ARHGEF28: variants seen among roughly 807,000 people sequenced by gnomAD.
ARHGEF28 encodes 190 kDa guanine nucleotide exchange factor.
A neutral mutation model predicts 206.6 loss-of-function variants in ARHGEF28; 152 were observed. That is an observed-to-expected ratio of 0.74 (90% CI 0.64 to 0.84). The LOEUF (loss-of-function observed/expected upper bound fraction) is 0.84, where lower values mean the gene tolerates loss of function less well. Ranked by LOEUF, ARHGEF28 falls within the 40% of genes least tolerant of loss-of-function variation. The pLI is 0.00. For synonymous variants in ARHGEF28, 763 were observed against 776.4 expected, an observed-to-expected ratio of 0.98 and a Z score of 0.29; for missense variants, 2,028 against 2,073.2, an observed-to-expected ratio of 0.98 and a Z score of 0.42.
intron 33 of ARHGEF28, among the ~76,000 whole-genome samples, chr5:73,905,965 T>C (rs1762526080): frequency 6.6e-6 from 1 of 152,244 alleles, no homozygotes; most frequent in Non-Finnish European, 1.5e-5. Context: ...ACTGGTTTAT[T>C]ATTCATTCAT....
At chr5:73,920,545 G>GTTTTTTTTTTTT (rs756699052) in intron 35 of ARHGEF28, among the ~76,000 whole-genome samples, 1 of 110,540 alleles carries the variant, frequency 9.0e-6, no homozygotes, top group Non-Finnish European at 1.8e-5. Flanking sequence ...CGTCATCTAG[G>GTTTTTTTTTTTT]TTTTTTTTTT....
chr5:73,868,942 C>T (rs1385593037), intron 20 of ARHGEF28, among the ~76,000 whole-genome samples: 3 of 152,160 alleles, frequency 2.0e-5, no homozygotes, highest in Non-Finnish European at 2.9e-5. Flanking sequence ...CCACTGTGCC[C>T]AGCCATTAAA....
At chr5:73,886,206 A>G (rs1420297656) in intron 25 of ARHGEF28, 102 bp downstream of exon 25, 2 of 1,403,820 alleles carry the variant, frequency 1.4e-6, no homozygotes, top group East Asian at 2.3e-5. Flanking sequence ...GCAGGCACAC[A>G]TGCGCAAACC....
intron 16 of ARHGEF28, among the ~76,000 whole-genome samples, chr5:73,860,459 TA>T (rs1759327215): frequency 6.6e-6 from 1 of 152,288 alleles, no homozygotes; most frequent in South Asian, 2.1e-4. Flanking sequence ...CCAGTGTGTC[TA>T]AAACCGACCT....
intron 9 of ARHGEF28, among the ~76,000 whole-genome samples, chr5:73,798,636 G>A (rs1023241494): frequency 6.6e-6 from 1 of 152,002 alleles, no homozygotes; most frequent in Non-Finnish European, 1.5e-5. Context: ...GTGCAGAGTG[G>A]GACTCCTTCA....
intron 22 of ARHGEF28, among the ~76,000 whole-genome samples, chr5:73,874,032 T>C (rs1477190109): frequency 6.6e-6 from 1 of 152,196 alleles, no homozygotes; most frequent in Non-Finnish European, 1.5e-5. Flanking sequence ...CTCACCAGCA[T>C]CTGATATTGA....
At chr5:73,815,419 T>C (rs1756141472) in intron 9 of ARHGEF28, among the ~76,000 whole-genome samples, 1 of 152,264 alleles carries the variant, frequency 6.6e-6, no homozygotes, top group East Asian at 1.9e-4. Context: ...TAAAAAACCA[T>C]GTAAATTGTT....
rs147467398 is a variant in ARHGEF28 at position 73,823,110 on chromosome 5, G to A, written c.1025-9228G>A. 9.2e-3 allele frequency among the ~76,000 whole-genome samples: 1,404 copies of A among 152,276 alleles called. 8 individuals are homozygous for A. The highest frequency in any genetic ancestry group is 0.014 in the Non-Finnish European group (930 of 68,028). ...TGCTCTCTGTCAGGACCGTGTTTGC[G>A]TTCTGGTTCAACCACTTAATAACCT... On this transcript the variant is annotated intron_variant, in intron 9 of 35. Transcript: ENST00000513042.
At chr5:73,795,935 C>G (rs1754778087) in intron 9 of ARHGEF28, among the ~76,000 whole-genome samples, 2 of 152,150 alleles carry the variant, frequency 1.3e-5, no homozygotes, top group South Asian at 4.1e-4. Context: ...TCAGAGGAAC[C>G]AGGTGTTCCT....
Position 73,684,836 on chromosome 5 carries a change from T to G in ARHGEF28, c.-11-5T>G. The G allele has an allele frequency of 6.2e-7, 1 of 1,607,312 alleles. No individual in the cohort carries two copies. The highest frequency in any genetic ancestry group is 8.5e-7 in the Non-Finnish European group (1 of 1,176,562). ...AACTTCTCTTGTTTATTATTTTCATTGCAGATGCGAAAGCCATGGAGTTGA... is the reference window on the plus strand; with the variant it reads ...AACTTCTCTTGTTTATTATTTTCATGGCAGATGCGAAAGCCATGGAGTTGA... On this transcript the variant is annotated splice_region_variant and splice_polypyrimidine_tract_variant and intron_variant, in intron 1 of 35. Transcript: ENST00000513042.
chr5:73,894,453 A>T lies in ARHGEF28; in HGVS notation c.3719A>T (p.Tyr1240Phe). Residue 1240 changes from tyrosine to phenylalanine, a missense_variant, in exon 29 of 36, where the codon TAT becomes TTT. Around this residue, in one of 3 missense-constraint regions of ARHGEF28, gnomAD observed 803 missense variants for 768.0 expected, o/e 1.05. Coordinates refer to ENST00000513042, the MANE Select transcript of ARHGEF28 (RefSeq NM_001177693.2). Reference sequence around the variant, plus strand: ...TATTTGGAGGAGAAGCTGCATATCTATGCTGAACTTGGAGAACTGAGCGGA... The same window carrying T: ...TATTTGGAGGAGAAGCTGCATATCTTTGCTGAACTTGGAGAACTGAGCGGA... ...CAYLEEKLHI[Y>F]AELGELSGFE... 6.2e-7 allele frequency: 1 copy of T among 1,613,892 alleles called. No homozygotes were observed. The highest frequency in any genetic ancestry group is 8.5e-7 in the Non-Finnish European group (1 of 1,179,830).
At chr5:73,926,850 C>G (rs1763842122) in intron 35 of ARHGEF28, among the ~76,000 whole-genome samples, 1 of 152,188 alleles carries the variant, frequency 6.6e-6, no homozygotes, top group Non-Finnish European at 1.5e-5. Flanking sequence ...AGGTAATAGG[C>G]TTCTTAAGGG....
intron 16 of ARHGEF28, among the ~76,000 whole-genome samples, chr5:73,861,645 A>G (rs1759410545): frequency 6.6e-6 from 1 of 152,216 alleles, no homozygotes; most frequent in South Asian, 2.1e-4. Flanking sequence ...CATCAAATGT[A>G]TTTAACTATT....
intron 35 of ARHGEF28, among the ~76,000 whole-genome samples, chr5:73,924,759 A>G (rs1763706881): frequency 6.6e-6 from 1 of 152,184 alleles, no homozygotes; most frequent in African/African-American, 2.4e-5. Flanking sequence ...GGGAAGGCAC[A>G]ACTTTTCCCA....
At chr5:73,731,027 T>C (rs1276456477) in intron 2 of ARHGEF28, among the ~76,000 whole-genome samples, 5 of 138,624 alleles carry the variant, frequency 3.6e-5, no homozygotes, top group Admixed American at 1.4e-4. Flanking sequence ...AAAAAAACCC[T>C]CTAATCTCTT....
At chr5:73,836,173 G>A (rs1047547940) in intron 10 of ARHGEF28, among the ~76,000 whole-genome samples, 2 of 152,068 alleles carry the variant, frequency 1.3e-5, no homozygotes, top group Admixed American at 1.3e-4. Flanking sequence ...TCAGTGGTGG[G>A]ATTGCTGGAT....
At chr5:73,862,568 G>A (rs971698371) in intron 16 of ARHGEF28, among the ~76,000 whole-genome samples, 3 of 151,876 alleles carry the variant, frequency 2.0e-5, no homozygotes, top group African/African-American at 7.3e-5. Flanking sequence ...TCTTCTCCAG[G>A]GATTTGGCAA....
intron 9 of ARHGEF28, among the ~76,000 whole-genome samples, chr5:73,800,404 A>T (rs1351234857): frequency 6.6e-6 from 1 of 152,214 alleles, no homozygotes; most frequent in Admixed American, 6.5e-5. Context: ...CCCCCTTTTT[A>T]TAATATGTAT....
At chr5:73,750,974 G>A (rs1386098015) in intron 3 of ARHGEF28, among the ~76,000 whole-genome samples, 1 of 152,252 alleles carries the variant, frequency 6.6e-6, no homozygotes, top group African/African-American at 2.4e-5. Flanking sequence ...GAATTGTAGA[G>A]AAGTGCAGAT....
Sources: gnomAD v4.1 joint callset for allele counts (sites outside exome capture counted in the v4.1 genomes callset) on GRCh38, gnomAD v4.1.1 for gene constraint, gnomAD v4.1.1 regional missense constraint, MANE v1.5 for transcripts, NCBI Gene and HGNC (gene_info 2026-07-23, HGNC 2026-07-21) for gene names.